The following TDRD1 variants were observed in gnomAD, a reference collection of about 807,000 sequenced individuals.
TDRD1 encodes the protein tudor domain-containing protein 1.
In TDRD1, 37 loss-of-function variants were observed where a neutral mutation model predicts 140.6. That is an observed-to-expected ratio of 0.26 (90% CI 0.20 to 0.35). The LOEUF (loss-of-function observed/expected upper bound fraction) is 0.35. Among genes scored for constraint, TDRD1 ranks in the 10% least tolerant of loss-of-function variants. TDRD1 has a pLI of 1.00. For synonymous variants in TDRD1, 506 were observed against 475.7 expected (o/e 1.06, Z -0.83); for missense variants, 1,243 against 1,393.0 (o/e 0.89, Z 1.71).
chr10:114,184,557 GC>G (rs2033367395), intron 1 of TDRD1, among the ~76,000 whole-genome samples: 1 of 152,224 alleles, frequency 6.6e-6, no homozygotes, highest in Non-Finnish European at 1.5e-5. Context: ...TTTCTCAGAA[GC>G]CCCCCTCAGG....
rs769000987 is a variant in TDRD1 at position 114,199,369 on chromosome 10, A to T, written c.529+52A>T. On this transcript the variant is annotated intron_variant, in intron 4 of 25. Coordinates refer to ENST00000251864, the Ensembl canonical transcript of TDRD1. ...AATTCTTCTTCCACATATTTGAAAA[A>T]CATTTTTATTGTGGCAGATGATGAA... 5 of 1,553,762 alleles carry T rather than the reference A, an allele frequency of 3.2e-6. No homozygotes were observed. The Admixed American group carries it at 6.4e-5, about 20-fold the overall frequency.
At chr10:114,225,825 C>G (rs2036404465) in intron 21 of TDRD1, among the ~76,000 whole-genome samples, 2 of 151,052 alleles carry the variant, frequency 1.3e-5, no homozygotes, top group South Asian at 4.2e-4. Context: ...CCACTGCACT[C>G]CAGCCTGGGC....
chr10:114,188,452 G>A (rs1047252839), intron 2 of TDRD1, among the ~76,000 whole-genome samples: 2 of 152,196 alleles, frequency 1.3e-5, no homozygotes, highest in Non-Finnish European at 2.9e-5. Flanking sequence ...TCTAAAGATT[G>A]ACCCGTATCT....
At chr10:114,226,499 G>A (rs1450669906) in intron 22 of TDRD1, among the ~76,000 whole-genome samples, 4 of 152,212 alleles carry the variant, frequency 2.6e-5, no homozygotes, top group African/African-American at 9.6e-5. Context: ...GCAAGGCCAG[G>A]ATGTGAAACA....
rs957465537 is a variant in TDRD1, at chr10:114,220,953, G to A, written c.2770+110G>A. ...GTTTTCCTGTAGAGATATGCTTTAC[G>A]GACATAGATTAGTAGGTTAATATTG... On this transcript the variant is annotated intron_variant, in intron 19 of 25. Transcript: ENST00000251864. 7.2e-5 allele frequency: 49 copies of A among 682,482 alleles called. No homozygotes were observed. The Admixed American group carries it at 1.1e-3, about 16-fold the overall frequency. The allele number at this position is 682,482 out of a possible 1,614,324, so 42.3% of individuals were successfully genotyped here. A position where few individuals can be genotyped will look rare whatever the true frequency, so the allele number is the denominator to read the frequency against.
exon 2 of TDRD1, chr10:114,187,904 C>G: frequency 6.2e-7 from 1 of 1,612,750 alleles, no homozygotes. Flanking sequence ...GATGACAGAG[C>G]CATTTAATTT....
chr10:114,190,302 T>C (rs1403493323), intron 2 of TDRD1, among the ~76,000 whole-genome samples: 1 of 152,202 alleles, frequency 6.6e-6, no homozygotes, highest in Non-Finnish European at 1.5e-5. Context: ...TAGTTTTAAT[T>C]TCTAATACAG....
At chr10:114,190,620 T>G (rs1468737662) in intron 2 of TDRD1, among the ~76,000 whole-genome samples, 1 of 152,192 alleles carries the variant, frequency 6.6e-6, no homozygotes, top group Non-Finnish European at 1.5e-5. Flanking sequence ...CCTGAGTAAT[T>G]GGGATTACAA....
intron 3 of TDRD1, among the ~76,000 whole-genome samples, chr10:114,192,003 C>A (rs1225735421): frequency 6.6e-6 from 1 of 151,748 alleles, no homozygotes; most frequent in African/African-American, 2.4e-5. Context: ...TGCTTATTTG[C>A]CATCTGTGCA....
chr10:114,202,136 C>G, intron 5 of TDRD1, 102 bp from the exon 6 acceptor site: 5 of 882,610 alleles, frequency 5.7e-6, no homozygotes, highest in Non-Finnish European at 8.6e-6. Flanking sequence ...CTGTTTTGCT[C>G]TTTCAGGATT....
intron 1 of TDRD1, among the ~76,000 whole-genome samples, chr10:114,182,606 G>A (rs138221453): frequency 6.6e-6 from 1 of 152,200 alleles, no homozygotes; most frequent in African/African-American, 2.4e-5. Flanking sequence ...TGTCATTTCG[G>A]ACAGCAGGTG....
chr10:114,212,045 T>C lies in TDRD1; in HGVS notation c.1831+9T>C. The C allele has an allele frequency of 1.9e-6, 3 of 1,591,526 alleles. No individual in the cohort carries two copies. Among genetic ancestry groups the C allele is most frequent in the Non-Finnish European group, 2.6e-6 (3 of 1,174,206 alleles). On this transcript the variant is annotated intron_variant, in intron 14 of 25. Transcript: ENST00000251864. The stretch of plus-strand genomic sequence containing the variant: ...AAAGTGTGTACTAGCAGGTATGAAA[T>C]TTTTATAGCCTCCATATTCTTTAAA...
intron 14 of TDRD1, 41 bp downstream of exon 14, chr10:114,212,077 A>G (rs2035520961): frequency 6.6e-7 from 1 of 1,524,614 alleles, no homozygotes; most frequent in Non-Finnish European, 8.8e-7. Context: ...TAAAAATTCT[A>G]CAGATGAAGA....
At chr10:114,193,724 T>A (rs1423987226) in intron 3 of TDRD1, among the ~76,000 whole-genome samples, 1 of 152,250 alleles carries the variant, frequency 6.6e-6, no homozygotes, top group East Asian at 1.9e-4. Context: ...TTATTGCATT[T>A]ACTGTAGGAA....
intron 3 of TDRD1, among the ~76,000 whole-genome samples, chr10:114,192,343 A>G (rs34084240): frequency 0.11 from 12,650 of 110,820 alleles, 708 homozygotes; most frequent in Middle Eastern, 0.29. Flanking sequence ...TTGCTCTTTC[A>G]CCCAGGCTGG....
At chr10:114,214,353 C>G (rs985046254) in intron 16 of TDRD1, among the ~76,000 whole-genome samples, 16 of 152,130 alleles carry the variant, frequency 1.1e-4, no homozygotes, top group African/African-American at 3.6e-4. Context: ...TAGAGTATCT[C>G]CTAAATTCAT....
rs1160364795 is a variant in TDRD1 at position 114,182,713 on chromosome 10, T to C, written c.-7+3297T>C. 2.0e-5 allele frequency among the ~76,000 whole-genome samples: 3 copies of C among 149,396 alleles called. No individual in the cohort carries two copies. The East Asian group carries it at 5.9e-4, about 29-fold the overall frequency. ...ATCTTTTTTTTTTTTTTTGAGACAG[T>C]CTTGCTCTGTAGCCCAGGCTGGAAT... On this transcript the variant is annotated intron_variant, in intron 1 of 25. Coordinates refer to ENST00000251864, the Ensembl canonical transcript of TDRD1.
intron 17 of TDRD1, 22 bp from the exon 18 acceptor site, chr10:114,218,392 A>T (rs900516590): frequency 6.7e-7 from 1 of 1,489,402 alleles, no homozygotes; most frequent in Non-Finnish European, 9.0e-7. Context: ...GTTCCATGTC[A>T]CAAACTGTGT....
chr10:114,204,809 G>A, exon 10 of TDRD1: 7 of 1,606,974 alleles, frequency 4.4e-6, no homozygotes, highest in Non-Finnish European at 5.1e-6. Flanking sequence ...ACTGTTAATG[G>A]AGCAGTACTG....
Sources: gnomAD v4.1 joint callset for allele counts (sites outside exome capture counted in the v4.1 genomes callset) on GRCh38, gnomAD v4.1.1 for gene constraint, MANE v1.5 for transcripts, NCBI Gene and HGNC (gene_info 2026-07-23, HGNC 2026-07-21) for gene names.